The following PAM variants were observed in gnomAD, a reference collection of about 807,000 sequenced individuals.
The protein encoded by PAM is peptidylglycine alpha-amidating monooxygenase, also known as peptidyl-glycine alpha-amidating monooxygenase.
PAM carries 72 observed loss-of-function variants against 122.1 expected under a neutral mutation model. The ratio of observed to expected loss-of-function variants is 0.59; its 90% confidence interval spans 0.49 to 0.72. PAM has a LOEUF of 0.72. Among genes scored for constraint, PAM ranks in the 30% least tolerant of loss-of-function variants. The probability of loss-of-function intolerance (pLI) is 0.00; values close to 1 mark genes in which losing one functional copy is unlikely to be tolerated. For missense variants in PAM, 1,106 were observed against 1,183.7 expected (o/e 0.93, Z 0.96); for synonymous variants, 389 against 404.4 (o/e 0.96, Z 0.46).
Position 102,912,990 on chromosome 5 carries a change from G to A in PAM, c.269-944G>A, listed in dbSNP as rs1196120338. Among the ~76,000 whole-genome samples, 4 of 152,064 alleles carry A rather than the reference G, an allele frequency of 2.6e-5. No individual in the cohort carries two copies. The East Asian group carries it at 7.8e-4, about 29-fold the overall frequency. ...ATTTTTTTGTTTTATAAGTACTCATGTCTCACATACACATTTTAGCAATAA... is the reference window on the plus strand; with the variant it reads ...ATTTTTTTGTTTTATAAGTACTCATATCTCACATACACATTTTAGCAATAA... On this transcript the variant is annotated intron_variant, in intron 4 of 25. Transcript: ENST00000438793.
chr5:102,783,797 T>C (rs1759698386), intron 1 of PAM, among the ~76,000 whole-genome samples: 1 of 152,118 alleles, frequency 6.6e-6, no homozygotes, highest in African/African-American at 2.4e-5. Flanking sequence ...TCAGGGAGCA[T>C]ACCAGCTGGA....
chr5:102,902,832 T>C (rs1356807300), intron 4 of PAM, among the ~76,000 whole-genome samples: 1 of 151,532 alleles, frequency 6.6e-6, no homozygotes, highest in Non-Finnish European at 1.5e-5. Context: ...GTAAATATGG[T>C]AGTCATGTGT....
At chr5:102,834,457 A>G (rs1490077711) in intron 1 of PAM, among the ~76,000 whole-genome samples, 1 of 152,218 alleles carries the variant, frequency 6.6e-6, no homozygotes, top group Non-Finnish European at 1.5e-5. Flanking sequence ...GTGTTCAGTC[A>G]GAAATTAAAG....
intron 1 of PAM, among the ~76,000 whole-genome samples, chr5:102,811,519 A>C (rs139851628): frequency 9.9e-4 from 151 of 152,306 alleles, no homozygotes; most frequent in African/African-American, 3.3e-3. Flanking sequence ...ATAATCTAGG[A>C]GACTCTCCCC....
At chr5:103,000,972 A>G (rs1777215907) in intron 16 of PAM, among the ~76,000 whole-genome samples, 1 of 152,184 alleles carries the variant, frequency 6.6e-6, no homozygotes, top group Non-Finnish European at 1.5e-5. Flanking sequence ...AAATTATTAA[A>G]TTATATTCTT....
At chr5:102,791,698 T>C (rs887631898) in intron 1 of PAM, among the ~76,000 whole-genome samples, 6 of 152,122 alleles carry the variant, frequency 3.9e-5, no homozygotes, top group African/African-American at 1.2e-4. Flanking sequence ...TAGCTAACTT[T>C]ATTTGGGGTT....
At chr5:102,901,731 AACAG>A (rs1292566615) in intron 4 of PAM, among the ~76,000 whole-genome samples, 20 of 151,548 alleles carry the variant, frequency 1.3e-4, no homozygotes, top group African/African-American at 4.1e-4. Context: ...CACTCCACTC[AACAG>A]ACAGTTTATT....
At chr5:102,990,530 G>A (rs1457325881) in intron 16 of PAM, 129 bp downstream of exon 16, 16 of 594,084 alleles carry the variant, frequency 2.7e-5, no homozygotes, top group Middle Eastern at 3.9e-4. Flanking sequence ...TGAGCAAAAT[G>A]TATTTGTCCT....
chr5:102,809,352 C>CAAAAAAAA (rs11302898), intron 1 of PAM, among the ~76,000 whole-genome samples: 1 of 126,244 alleles, frequency 7.9e-6, no homozygotes, highest in African/African-American at 3.0e-5. Context: ...CTGTCTCTAC[C>CAAAAAAAA]AAAAAAAAAA....
At chr5:102,910,470 T>A (rs1801054244) in intron 4 of PAM, among the ~76,000 whole-genome samples, 1 of 151,902 alleles carries the variant, frequency 6.6e-6, no homozygotes, top group South Asian at 2.1e-4. Context: ...TTCAAAGGTA[T>A]TTCATTCCCA....
At chr5:102,959,562 A>T (rs1761861242) in intron 12 of PAM, among the ~76,000 whole-genome samples, 1 of 152,146 alleles carries the variant, frequency 6.6e-6, no homozygotes, top group South Asian at 2.1e-4. Context: ...GGACTAAAGA[A>T]TAAAAAGATT....
intron 1 of PAM, among the ~76,000 whole-genome samples, chr5:102,790,887 TACCCAGAGATAAGC>T (rs1260051511): frequency 6.6e-6 from 1 of 152,138 alleles, no homozygotes; most frequent in Non-Finnish European, 1.5e-5. Context: ...ATTATTTTAC[TACCCAGAGATAAGC>T]ACTGATATCA....
intron 1 of PAM, among the ~76,000 whole-genome samples, chr5:102,788,742 C>T (rs1168482141): frequency 2.0e-5 from 3 of 152,078 alleles, no homozygotes; most frequent in Admixed American, 2.0e-4. Flanking sequence ...GAGGGTCATA[C>T]TTTTACCTGA....
chr5:103,028,293 A>G lies in PAM; in HGVS notation c.2743+55A>G, dbSNP rs1208228249. ...TGTTTGGTTCAAAGTCAACAAGCAC[A>G]TGTCTTTTAAAAAGCAAGGAGATAT... On this transcript the variant is annotated intron_variant, in intron 25 of 25. Coordinates refer to ENST00000438793, the MANE Select transcript of PAM (RefSeq NM_001177306.2). 2.9e-5 allele frequency: 36 copies of G among 1,226,600 alleles called. No individual in the cohort carries two copies. In the South Asian group the frequency reaches 4.4e-4, roughly 15 times the overall value. The allele number at this position is 1,226,600 out of a possible 1,614,324, so 76.0% of individuals were successfully genotyped here. A position where few individuals can be genotyped will look rare whatever the true frequency, so the allele number is the denominator to read the frequency against.
chr5:102,826,740 A>G (rs969904639), intron 1 of PAM, among the ~76,000 whole-genome samples: 2 of 152,174 alleles, frequency 1.3e-5, no homozygotes, highest in South Asian at 2.1e-4. Flanking sequence ...CAGGTCTTAC[A>G]GTGTAACTGC....
At chr5:102,896,742 TGGGAAA>T (rs1444399948) in intron 3 of PAM, among the ~76,000 whole-genome samples, 3 of 151,584 alleles carry the variant, frequency 2.0e-5, no homozygotes, top group Non-Finnish European at 4.4e-5. Flanking sequence ...AAAAGAAAAC[TGGGAAA>T]GGGAAACAAG....
intron 3 of PAM, among the ~76,000 whole-genome samples, chr5:102,881,898 T>C (rs1300434328): frequency 2.1e-5 from 3 of 142,316 alleles, no homozygotes; most frequent in Non-Finnish European, 4.4e-5. Context: ...TGCATCCTCA[T>C]AGCTTAACTC....
At chr5:102,802,761 T>A (rs1484029606) in intron 1 of PAM, among the ~76,000 whole-genome samples, 1 of 152,168 alleles carries the variant, frequency 6.6e-6, no homozygotes. Context: ...TCTGTAGTTT[T>A]GTTTATTATT....
At chr5:102,849,999 C>T (rs1780966521) in intron 1 of PAM, among the ~76,000 whole-genome samples, 1 of 152,100 alleles carries the variant, frequency 6.6e-6, no homozygotes, top group African/African-American at 2.4e-5. Flanking sequence ...CATTTATTTT[C>T]TATTTCAAAA....
Sources: gnomAD v4.1 joint callset for allele counts (sites outside exome capture counted in the v4.1 genomes callset) on GRCh38, gnomAD v4.1.1 for gene constraint, MANE v1.5 for transcripts, NCBI Gene and HGNC (gene_info 2026-07-23, HGNC 2026-07-21) for gene names.